PKD2L2: variants seen among roughly 807,000 people sequenced by gnomAD.
PKD2L2 encodes the protein polycystin 2 like 2, transient receptor potential cation channel.
A neutral mutation model predicts 83.9 loss-of-function variants in PKD2L2; 67 were observed. The observed-to-expected ratio is 0.80, with a 90% confidence interval of 0.66 to 0.98. The LOEUF (loss-of-function observed/expected upper bound fraction) is 0.98. PKD2L2 is among the 50% of genes least tolerant of loss of function. The probability of loss-of-function intolerance (pLI) is 0.00; values close to 1 mark genes in which losing one functional copy is unlikely to be tolerated. For missense variants in PKD2L2, 632 were observed against 717.2 expected (o/e 0.88, Z 1.36); for synonymous variants, 223 against 237.8 (o/e 0.94, Z 0.57).
intron 8 of PKD2L2, among the ~76,000 whole-genome samples, chr5:137,919,190 AAAGTT>A (rs1365239207): frequency 6.6e-6 from 1 of 152,202 alleles, no homozygotes; most frequent in Non-Finnish European, 1.5e-5. Flanking sequence ...AACTCTATCT[AAAGTT>A]AACAGGGCCA....
intron 6 of PKD2L2, 33 bp downstream of exon 6, chr5:137,906,467 G>T: frequency 9.2e-7 from 1 of 1,092,218 alleles, no homozygotes; most frequent in East Asian, 2.4e-5. Flanking sequence ...GGTTGAAGGG[G>T]ATCACATCTG....
chr5:137,896,777 C>T (rs1756503532), intron 4 of PKD2L2, among the ~76,000 whole-genome samples: 1 of 152,092 alleles, frequency 6.6e-6, no homozygotes, highest in African/African-American at 2.4e-5. Flanking sequence ...CCTCTACACA[C>T]ACTCTTCCTG....
At chr5:137,897,104 G>A (rs1269513058) in intron 4 of PKD2L2, among the ~76,000 whole-genome samples, 1 of 150,270 alleles carries the variant, frequency 6.7e-6, no homozygotes, top group African/African-American at 2.4e-5. Context: ...TGTTGCCCAA[G>A]CTGGAGTTCA....
At position 137,905,120 on chromosome 5, in the gene PKD2L2, G is replaced by T. The variant is rs114249637; in HGVS notation, c.747-1086G>T. On this transcript the variant is annotated intron_variant, in intron 5 of 14. Coordinates refer to ENST00000508883, the MANE Select transcript of PKD2L2 (RefSeq NM_001300921.2). The stretch of plus-strand genomic sequence containing the variant: ...GGTAACTGGCTTTAAGTCACATGAA[G>T]AAGCCCTTGTAATATAAGATTAAGT... 3.2e-3 allele frequency among the ~76,000 whole-genome samples: 487 copies of T among 152,248 alleles called. 4 individuals carry two copies. Among genetic ancestry groups the T allele is most frequent in the African/African-American group, 0.01 (420 of 41,546 alleles).
At chr5:137,915,725 T>C (rs1206952372) in intron 8 of PKD2L2, among the ~76,000 whole-genome samples, 1 of 152,250 alleles carries the variant, frequency 6.6e-6, no homozygotes, top group Non-Finnish European at 1.5e-5. Flanking sequence ...TCTTTGTTCA[T>C]TGTGTCCAAA....
intron 8 of PKD2L2, among the ~76,000 whole-genome samples, chr5:137,917,162 C>CTTTTTTT (rs34636933): frequency 3.1e-5 from 4 of 127,172 alleles, no homozygotes; most frequent in Admixed American, 8.7e-5. Context: ...GTTCACTTTT[C>CTTTTTTT]TTTTTTTTTT....
At chr5:137,933,451 C>T (rs551703356) in intron 12 of PKD2L2, among the ~76,000 whole-genome samples, 31 of 152,258 alleles carry the variant, frequency 2.0e-4, no homozygotes, top group Admixed American at 1.3e-3. Context: ...TACAGTTAGC[C>T]ACCACCAGTA....
chr5:137,901,785 G>A (rs950220114), intron 5 of PKD2L2, among the ~76,000 whole-genome samples: 3 of 152,162 alleles, frequency 2.0e-5, no homozygotes, highest in Admixed American at 6.5e-5. Flanking sequence ...AGAAAGGATT[G>A]TCGACACTGT....
chr5:137,894,569 A>G lies in PKD2L2; in HGVS notation c.484A>G (p.Asn162Asp), dbSNP rs1301586954. Residue 162 changes from asparagine to aspartate, a missense_variant, in exon 4 of 15, where the codon AAT becomes GAT. Physicochemically the swap from Asn to Asp is conservative, Grantham distance 23. Coordinates refer to ENST00000508883, the MANE Select transcript of PKD2L2 (RefSeq NM_001300921.2). ...SECYGKYTSA[N>D]EDLSNFGLQI... ...ATGTTATGGCAAATATACTTCTGCA[A>G]ATGAAGACCTCTCTAATTTTGGCCT... is the stretch of plus-strand genomic sequence containing the variant. 2.5e-6 allele frequency: 4 copies of G among 1,612,986 alleles called. No individual in the cohort carries two copies. Among genetic ancestry groups the G allele is most frequent in the Non-Finnish European group, 3.4e-6 (4 of 1,179,140 alleles).
intron 12 of PKD2L2, among the ~76,000 whole-genome samples, chr5:137,933,437 A>T (rs994451054): frequency 6.6e-6 from 1 of 152,214 alleles, no homozygotes. Context: ...CCTAATGTTT[A>T]AACTACAGTT....
rs376498556 is a variant in PKD2L2, at chr5:137,907,567, AC to A, written c.976-173del. On this transcript the variant is annotated intron_variant, in intron 6 of 14. Transcript: ENST00000508883. ...TTTCAACTTTATAATAATTAATGCT[AC>A]CTTAAACTTGTATAAGTTGAGGGTA... 4.9e-3 allele frequency among the ~76,000 whole-genome samples: 747 copies of A among 152,318 alleles called. 2 individuals are homozygous for A. The highest frequency in any genetic ancestry group is 0.012 in the African/African-American group (495 of 41,580).
At chr5:137,931,302 C>T (rs557101288) in intron 12 of PKD2L2, among the ~76,000 whole-genome samples, 1 of 152,240 alleles carries the variant, frequency 6.6e-6, no homozygotes, top group African/African-American at 2.4e-5. Flanking sequence ...TAAGCTATTC[C>T]TCTTTGCCCT....
intron 12 of PKD2L2, among the ~76,000 whole-genome samples, chr5:137,932,058 T>C (rs1759921259): frequency 6.6e-6 from 1 of 152,044 alleles, no homozygotes; most frequent in Admixed American, 6.6e-5. Flanking sequence ...CTTTAAACAT[T>C]CCTTAAAGAC....
At chr5:137,902,547 C>G (rs1406349611) in intron 5 of PKD2L2, among the ~76,000 whole-genome samples, 1 of 151,968 alleles carries the variant, frequency 6.6e-6, no homozygotes, top group Non-Finnish European at 1.5e-5. Flanking sequence ...TTTTTTTAGT[C>G]TGAGTCTCAC....
intron 12 of PKD2L2, among the ~76,000 whole-genome samples, chr5:137,929,555 A>AAC (rs1393501269): frequency 2.0e-5 from 3 of 148,740 alleles, no homozygotes; most frequent in Non-Finnish European, 3.0e-5. Flanking sequence ...AAAAAAAAAA[A>AAC]AAAACAGACC....
At position 137,936,229 on chromosome 5, in the gene PKD2L2, A is replaced by G. The variant is rs888375554; in HGVS notation, c.1785-91A>G. 4.4e-6 allele frequency: 5 copies of G among 1,142,210 alleles called. No homozygotes were observed. In the African/African-American group the frequency reaches 6.1e-5, roughly 14 times the overall value. The allele number at this position is 1,142,210 out of a possible 1,614,324, so 70.8% of individuals were successfully genotyped here. On this transcript the variant is annotated intron_variant, in intron 13 of 14. Coordinates refer to ENST00000508883, the MANE Select transcript of PKD2L2 (RefSeq NM_001300921.2). ...GCATGTTTTAGGAGCTTACAATTCT[A>G]TCTTCCCAAAGCATTTCGCACTAGT...
chr5:137,916,109 A>G (rs1185964018), intron 8 of PKD2L2, among the ~76,000 whole-genome samples: 1 of 150,954 alleles, frequency 6.6e-6, no homozygotes, highest in Non-Finnish European at 1.5e-5. Context: ...GGCTCCAGTG[A>G]TCCACCCACC....
rs758905083 is a variant in PKD2L2, at chr5:137,906,362, C to CA, written c.910dup (p.Ile304AsnfsTer5). 3 of 1,607,784 alleles carry CA rather than the reference C, an allele frequency of 1.9e-6. No homozygotes were observed. The highest frequency in any genetic ancestry group is 1.7e-6 in the Non-Finnish European group (2 of 1,176,256). ...TTTTTGTCTTCACAACACAAGAAGT[C>CA]AAAAAAATAAAAGAATTTAAGTCTG... is the stretch of plus-strand genomic sequence containing the variant. On this transcript the variant is annotated frameshift_variant, in exon 6 of 15. Transcript: ENST00000508883. LOFTEE classifies it high-confidence loss of function.
chr5:137,890,529 C>A lies in PKD2L2; in HGVS notation c.80C>A (p.Thr27Asn). The change falls in exon 2 of 15, where the codon ACC (threonine) becomes AAC (asparagine). Residue 27 changes from threonine to asparagine, a missense_variant. Coordinates refer to ENST00000508883, the MANE Select transcript of PKD2L2 (RefSeq NM_001300921.2). The part of the protein sequence containing the change: ...LHYRKEVEIT[T>N]TLQELLLYFI... ...TACAGAAAGGAAGTAGAAATTACAA[C>A]CACACTTCAGGAATTGTTACTCTAC... 1 of 1,589,760 alleles carries A rather than the reference C, an allele frequency of 6.3e-7. No individual in the cohort carries two copies. Among genetic ancestry groups the A allele is most frequent in the Non-Finnish European group, 8.6e-7 (1 of 1,166,620 alleles).
Sources: gnomAD v4.1 joint callset for allele counts (sites outside exome capture counted in the v4.1 genomes callset) on GRCh38, gnomAD v4.1.1 for gene constraint, MANE v1.5 for transcripts, NCBI Gene and HGNC (gene_info 2026-07-23, HGNC 2026-07-21) for gene names.